Variants in KANK1 observed in about 807,000 individuals in gnomAD.
KANK1 encodes KN motif and ankyrin repeat domain-containing protein 1.
In KANK1, 109 loss-of-function variants were observed where a neutral mutation model predicts 106.2. The ratio of observed to expected loss-of-function variants is 1.03; its 90% CI spans 0.88 to 1.20. The LOEUF (loss-of-function observed/expected upper bound fraction) is 1.20, where lower values mean the gene tolerates loss of function less well. Ranked by LOEUF, KANK1 falls within the 50% of genes most tolerant of loss-of-function variation. The pLI, the probability that KANK1 is intolerant of heterozygous loss-of-function variation, is 0.00. For missense variants in KANK1, 2,399 were observed against 1,710.7 expected (o/e 1.40, Z -7.10); for synonymous variants, 873 against 652.2 (o/e 1.34, Z -5.16).
chr9:514,130 C>T (rs1157170512), intron 1 of KANK1, among the ~76,000 whole-genome samples: 3 of 81,044 alleles, frequency 3.7e-5, no homozygotes, highest in African/African-American at 9.6e-5. Flanking sequence ...CTCTCTCTCT[C>T]CCTCCCTCCC....
At position 657,157 on chromosome 9, in the gene KANK1, G is replaced by C. The variant is rs141719729; in HGVS notation, c.-83-19733G>C. On this transcript the variant is annotated intron_variant, in intron 1 of 11. Coordinates refer to ENST00000382297, the MANE Select transcript of KANK1 (RefSeq NM_015158.5). ...TGATTGGCTTATTTCACTTAGCATA[G>C]TGTCTTCAAGTTTCCATTCTATTCA... Among the ~76,000 whole-genome samples, 982 of 152,272 alleles carry C rather than the reference G, an allele frequency of 6.4e-3. 8 individuals carry two copies. Among genetic ancestry groups the C allele is most frequent in the African/African-American group, 0.022 (926 of 41,530 alleles).
At chr9:683,249 T>C (rs980501625) in intron 2 of KANK1, among the ~76,000 whole-genome samples, 3 of 152,162 alleles carry the variant, frequency 2.0e-5, no homozygotes, top group Non-Finnish European at 4.4e-5. Context: ...GTTGAATGAA[T>C]TTGCAGAAGG....
upstream of KANK1, among the ~76,000 whole-genome samples, chr9:499,841 T>C (rs1475936233): frequency 6.6e-6 from 1 of 152,136 alleles, no homozygotes; most frequent in African/African-American, 2.4e-5. Flanking sequence ...AAGATGCAAT[T>C]AGAGATGAAC....
At chr9:495,823 A>G (rs529707889) in intron 3 of KANK1, among the ~76,000 whole-genome samples, 6 of 152,312 alleles carry the variant, frequency 3.9e-5, no homozygotes, top group Admixed American at 3.9e-4. Flanking sequence ...CTCAAATGAC[A>G]GCTCAGTTGT....
chr9:572,149 G>GA (rs1443883289), intron 1 of KANK1, among the ~76,000 whole-genome samples: 1 of 69,302 alleles, frequency 1.4e-5, no homozygotes. Flanking sequence ...AATAAACAGT[G>GA]ATTTTTTTTT....
chr9:709,325 C>T (rs78478481), intron 2 of KANK1, among the ~76,000 whole-genome samples: 3,259 of 152,238 alleles, frequency 0.021, 36 homozygotes, highest in Non-Finnish European at 0.032. Context: ...CTTTCTCAGC[C>T]GGGGAGGTGC....
intron 1 of KANK1, among the ~76,000 whole-genome samples, chr9:608,071 C>T (rs1829721599): frequency 7.5e-6 from 1 of 133,676 alleles, no homozygotes; most frequent in Admixed American, 8.0e-5. Context: ...CGCTCTGTCG[C>T]CCAGGCCGGA....
At chr9:596,812 A>C (rs1826333289) in intron 1 of KANK1, among the ~76,000 whole-genome samples, 1 of 151,824 alleles carries the variant, frequency 6.6e-6, no homozygotes, top group African/African-American at 2.4e-5. Context: ...TACATTCATA[A>C]TATTGTGTAG....
At chr9:580,729 GC>G (rs1821875332) in intron 1 of KANK1, among the ~76,000 whole-genome samples, 1 of 152,264 alleles carries the variant, frequency 6.6e-6, no homozygotes, top group African/African-American at 2.4e-5. Context: ...CCGCACTGGG[GC>G]CGCAGGCGGA....
chr9:573,654 G>T (rs1001525634), intron 1 of KANK1, among the ~76,000 whole-genome samples: 1 of 152,014 alleles, frequency 6.6e-6, no homozygotes, highest in African/African-American at 2.4e-5. Context: ...TAAGTAAGTC[G>T]CGGGCATTTT....
At chr9:591,848 G>A (rs1438221121) in intron 1 of KANK1, among the ~76,000 whole-genome samples, 2 of 151,512 alleles carry the variant, frequency 1.3e-5, no homozygotes, top group African/African-American at 4.9e-5. Flanking sequence ...TAGTAGAGTC[G>A]GGGTTTCACC....
chr9:624,227 A>G (rs1169720693), intron 1 of KANK1, among the ~76,000 whole-genome samples: 1 of 152,130 alleles, frequency 6.6e-6, no homozygotes, highest in Non-Finnish European at 1.5e-5. Flanking sequence ...GGTCTGGGGC[A>G]TGGGAGAAAC....
chr9:737,791 T>G (rs1394426742), intron 7 of KANK1, among the ~76,000 whole-genome samples: 1 of 152,204 alleles, frequency 6.6e-6, no homozygotes, highest in African/African-American at 2.4e-5. Context: ...AGCAGCATAA[T>G]TCAGTGTAGG....
chr9:508,744 G>T (rs979630878), intron 1 of KANK1, among the ~76,000 whole-genome samples: 1 of 146,510 alleles, frequency 6.8e-6, no homozygotes, highest in Non-Finnish European at 1.5e-5. Flanking sequence ...TATTTTCACT[G>T]CTGTGTAATA....
chr9:489,698 C>T (rs569754376), intron 3 of KANK1, among the ~76,000 whole-genome samples: 5 of 152,162 alleles, frequency 3.3e-5, no homozygotes, highest in Non-Finnish European at 7.3e-5. Flanking sequence ...GTAAGATGCC[C>T]AGCACTTAGC....
chr9:617,660 C>G (rs1410597462), intron 1 of KANK1, among the ~76,000 whole-genome samples: 1 of 152,126 alleles, frequency 6.6e-6, no homozygotes, highest in Non-Finnish European at 1.5e-5. Context: ...AAGTTACTTC[C>G]CAGGCTGAAA....
At chr9:701,476 A>G (rs1281835559) in intron 2 of KANK1, among the ~76,000 whole-genome samples, 1 of 152,202 alleles carries the variant, frequency 6.6e-6, no homozygotes, top group East Asian at 1.9e-4. Context: ...TGTCCCCAGC[A>G]CAGGCTTTCT....
rs1234848369 is a variant in KANK1 at position 604,860 on chromosome 9, C to T, written c.-83-72030C>T. ...AATGATAATAGTAAGTTTCCTAAGG[C>T]TTCCCCAGCCATGCAGAACTGTGAG... On this transcript the variant is annotated intron_variant, in intron 1 of 11. Transcript: ENST00000382297. Among the ~76,000 whole-genome samples the T allele has an allele frequency of 4.6e-5, 7 of 151,866 alleles. No individual in the cohort carries two copies. In the South Asian group the frequency reaches 8.3e-4, roughly 18 times the overall value.
intron 1 of KANK1, among the ~76,000 whole-genome samples, chr9:514,623 A>G (rs1180645651): frequency 1.3e-5 from 2 of 151,530 alleles, no homozygotes; most frequent in African/African-American, 4.9e-5. Flanking sequence ...TCCATGTTGT[A>G]TGTGGTTATG....
Sources: gnomAD v4.1 joint callset for allele counts (sites outside exome capture counted in the v4.1 genomes callset) on GRCh38, gnomAD v4.1.1 for gene constraint, MANE v1.5 for transcripts, NCBI Gene and HGNC (gene_info 2026-07-23, HGNC 2026-07-21) for gene names.